The following CNTN2 variants were observed in gnomAD, a reference collection of about 807,000 sequenced individuals.
CNTN2 encodes contactin-2.
Under a neutral mutation model 117.5 loss-of-function variants are expected in CNTN2, and 53 were observed. That is an observed-to-expected ratio of 0.45 (90% CI 0.36 to 0.57). The LOEUF (loss-of-function observed/expected upper bound fraction) is 0.57, where lower values mean the gene tolerates loss of function less well. CNTN2 is among the 20% of genes least tolerant of loss of function. CNTN2 has a pLI of 0.00. For synonymous variants in CNTN2, 530 were observed against 561.7 expected, an observed-to-expected ratio of 0.94 and a Z score of 0.80; for missense variants, 1,106 against 1,404.3, an observed-to-expected ratio of 0.79 and a Z score of 3.39.
At position 205,067,218 on chromosome 1, in the gene CNTN2, G is replaced by A. The variant is rs1654339522; in HGVS notation, c.2093G>A (p.Gly698Glu). ...ATTCTGGGCACTGGGGAGCCTAGTGGGCCCTCCAGCAAAATCCGGACCAGG... is the reference window on the plus strand; with the variant it reads ...ATTCTGGGCACTGGGGAGCCTAGTGAGCCCTCCAGCAAAATCCGGACCAGG... ...SNILGTGEPS[G>E]PSSKIRTREA... The change falls in exon 16 of 23, where the codon GGG becomes GAG. Residue 698 changes from glycine to glutamate, a missense_variant. Coordinates refer to ENST00000331830, the MANE Select transcript of CNTN2 (RefSeq NM_005076.5). The A allele has an allele frequency of 6.2e-7, 1 of 1,613,912 alleles. No homozygotes were observed. The highest frequency in any genetic ancestry group is 8.5e-7 in the Non-Finnish European group (1 of 1,179,924).
In CNTN2 at chr1:205,059,745, T is replaced by A; in HGVS notation, c.797+63T>A. ...CTCGGGGGCACAGGTGACCCCAGGG[T>A]GAGGGCAGGCAGAGTCAGGGCTCTT... is the stretch of plus-strand genomic sequence containing the variant. On this transcript the variant is annotated intron_variant, in intron 7 of 22. Coordinates refer to ENST00000331830, the MANE Select transcript of CNTN2 (RefSeq NM_005076.5). This position sits in a 1 kb window ranked among gnomAD's most constrained non-coding sequence, Gnocchi z 5.6. 2 of 1,381,324 alleles carry A rather than the reference T, an allele frequency of 1.4e-6. No homozygotes were observed. The highest frequency in any genetic ancestry group is 2.1e-6 in the Non-Finnish European group (2 of 974,232). 85.6% of individuals were successfully genotyped at this position (1,381,324 alleles called of 1,614,324 possible).
chr1:205,066,298 G>A (rs527273408), intron 14 of CNTN2, 143 bp from the exon 15 acceptor site: 21 of 935,000 alleles, frequency 2.2e-5, no homozygotes, highest in South Asian at 1.2e-4. Flanking sequence ...CCCCTTGCCC[G>A]CCCTCCCGCC....
chr1:205,074,863 T>C lies in CNTN2; in HGVS notation c.*1098T>C. The stretch of plus-strand genomic sequence containing the variant: ...GGCCCTGCCTGCTCCCAGGTATACC[T>C]AGGACCACCTGGCCAGATCCGCTCC... On this transcript the variant is annotated 3_prime_UTR_variant, in exon 23 of 23. Coordinates refer to ENST00000331830, the MANE Select transcript of CNTN2 (RefSeq NM_005076.5). The C allele has an allele frequency of 5.0e-6, 2 of 398,632 alleles. No homozygotes were observed. Among genetic ancestry groups the C allele is most frequent in the Non-Finnish European group, 4.4e-6 (1 of 226,076 alleles). The allele number at this position is 398,632 out of a possible 1,614,324, so 24.7% of individuals were successfully genotyped here. A position where few individuals can be genotyped will look rare whatever the true frequency, so the allele number is the denominator to read the frequency against.
rs553906665 is a variant in CNTN2 at position 205,072,283 on chromosome 1, G to C, written c.2731+150G>C. 4.5e-6 allele frequency: 4 copies of C among 893,276 alleles called. No homozygotes were observed. In the East Asian group the frequency reaches 1.0e-4, roughly 23 times the overall value. 55.3% of individuals were successfully genotyped at this position (893,276 alleles called of 1,614,324 possible). A position where few individuals can be genotyped will look rare whatever the true frequency, so the allele number is the denominator to read the frequency against. ...AGGCAGCGAGCCTAATGGAAATAAGGGAATGGAATTCATGGCCCCTGAAGC... is the reference window on the plus strand; with the variant it reads ...AGGCAGCGAGCCTAATGGAAATAAGCGAATGGAATTCATGGCCCCTGAAGC... On this transcript the variant is annotated intron_variant, in intron 20 of 22. Coordinates refer to ENST00000331830, the MANE Select transcript of CNTN2 (RefSeq NM_005076.5).
chr1:205,067,038 C>T, intron 15 of CNTN2, 63 bp from the exon 16 acceptor site: 5 of 1,550,066 alleles, frequency 3.2e-6, no homozygotes, highest in Non-Finnish European at 4.4e-6. Context: ...CAGGCCAGTG[C>T]CTGCCCTCTG....
At position 205,072,506 on chromosome 1, in the gene CNTN2, A is replaced by G. The variant is rs1654647868; in HGVS notation, c.2755A>G (p.Ile919Val). ...AGCTCCGCGGCGACCTCCTGGCAAC[A>G]TCTCCTGGACTTTCTCAAGCTCTAG... ...KPPPRRPPGN[I>V]SWTFSSSSLS... is the part of the protein sequence containing the mutation. Residue 919 changes from isoleucine to valine, a missense_variant, in exon 21 of 23, where the codon ATC becomes GTC. By Grantham distance (29) the Ile-to-Val change is conservative (BLOSUM62 3). Coordinates refer to ENST00000331830, the MANE Select transcript of CNTN2 (RefSeq NM_005076.5). The G allele has an allele frequency of 1.2e-6, 2 of 1,614,192 alleles. No homozygotes were observed. Among genetic ancestry groups the G allele is most frequent in the East Asian group, 4.5e-5 (2 of 44,882 alleles).
chr1:205,062,573 A>C lies in CNTN2; in HGVS notation c.1240+4A>C, dbSNP rs949334449. On this transcript the variant is annotated splice_donor_region_variant and intron_variant, in intron 10 of 22. Transcript: ENST00000331830. ...AGCGCCGAGCTAGCCGTGCAAGGTA[A>C]GGGGCCCAGGGAGGCAGGGGACATC... 1.9e-6 allele frequency: 3 copies of C among 1,611,064 alleles called. No individual in the cohort carries two copies. The highest frequency in any genetic ancestry group is 2.5e-6 in the Non-Finnish European group (3 of 1,178,444).
At chr1:205,055,521 A>G (rs960409591) in intron 2 of CNTN2, among the ~76,000 whole-genome samples, 1 of 152,210 alleles carries the variant, frequency 6.6e-6, no homozygotes, top group Non-Finnish European at 1.5e-5. Flanking sequence ...ACCAGCTCTC[A>G]TATCCCAGCC....
At position 205,061,650 on chromosome 1, in the gene CNTN2, T is replaced by A; in HGVS notation, c.974-215T>A. 1.3e-6 allele frequency: 1 copy of A among 783,472 alleles called. No individual in the cohort carries two copies. Among genetic ancestry groups the A allele is most frequent in the Non-Finnish European group, 1.9e-6 (1 of 512,992 alleles). The allele number at this position is 783,472 out of a possible 1,614,324, so 48.5% of individuals were successfully genotyped here. ...GCACACAGGAGGCTCCAGAATGATT[T>A]AAGTTGCAAAAGCAGCCACTGGCAC... is the stretch of plus-strand genomic sequence containing the variant. On this transcript the variant is annotated intron_variant, in intron 8 of 22. Coordinates refer to ENST00000331830, the MANE Select transcript of CNTN2 (RefSeq NM_005076.5). The surrounding 1 kb of genome is among the most constrained non-coding windows in gnomAD (Gnocchi z 4.8).
rs1645434273 is a variant in CNTN2, at chr1:205,076,093, A to G, written c.*2328A>G. 1 of 152,222 alleles carries G rather than the reference A, an allele frequency of 6.6e-6. No individual in the cohort carries two copies. Among genetic ancestry groups the G allele is most frequent in the Non-Finnish European group, 1.5e-5 (1 of 68,052 alleles). The allele number at this position is 152,222 out of a possible 1,614,324, so 9.4% of individuals were successfully genotyped here. A position where few individuals can be genotyped will look rare whatever the true frequency, so the allele number is the denominator to read the frequency against. ...GGCCAACGATAGTTACTCACAAGTAAGTACCTTAATGCTAATGAGGTCCAC... is the reference window on the plus strand; with the variant it reads ...GGCCAACGATAGTTACTCACAAGTAGGTACCTTAATGCTAATGAGGTCCAC... On this transcript the variant is annotated 3_prime_UTR_variant, in exon 23 of 23. Transcript: ENST00000331830.
rs1279606619 is a variant in CNTN2, at chr1:205,065,980, G to A, written c.1816+71G>A. On this transcript the variant is annotated intron_variant, in intron 14 of 22. Transcript: ENST00000331830. The surrounding 1 kb of genome is among the most constrained non-coding windows in gnomAD (Gnocchi z 4.1). ...CCAGCTGGGCTGTTCTGACCTGCTC[G>A]CCTCATCTCCCCTCCCTTCCCTCAA... The A allele has an allele frequency of 1.7e-5, 25 of 1,514,708 alleles. No homozygotes were observed. In the East Asian group the frequency reaches 3.2e-4, roughly 20 times the overall value. 93.8% of individuals were successfully genotyped at this position (1,514,708 alleles called of 1,614,324 possible). A position where few individuals can be genotyped will look rare whatever the true frequency, so the allele number is the denominator to read the frequency against.
chr1:205,043,985 A>G (rs945979292), intron 1 of CNTN2, among the ~76,000 whole-genome samples: 2 of 152,054 alleles, frequency 1.3e-5, no homozygotes, highest in African/African-American at 4.8e-5. Context: ...CTCGGGGAGG[A>G]GAGTCCTGAG....
chr1:205,072,483 C>G lies in CNTN2; in HGVS notation c.2732C>G (p.Pro911Arg). The G allele has an allele frequency of 1.9e-6, 3 of 1,613,828 alleles. No homozygotes were observed. Among genetic ancestry groups the G allele is most frequent in the Non-Finnish European group, 2.5e-6 (3 of 1,179,792 alleles). ...PSANATTMKP[P>R]PRRPPGNISW... ...CTCTCCAATTCTTCCTCTCTGGCAG[C>G]TCCGCGGCGACCTCCTGGCAACATC... The change falls in exon 21 of 23, where the codon CCT (proline) becomes CGT (arginine). Residue 911 changes from proline (P) to arginine (R), a missense_variant and splice_region_variant. Transcript: ENST00000331830.
In CNTN2 at chr1:205,061,692, C is replaced by A; in HGVS notation, c.974-173C>A. 1 of 943,562 alleles carries A rather than the reference C, an allele frequency of 1.1e-6. No homozygotes were observed. The highest frequency in any genetic ancestry group is 1.6e-6 in the Non-Finnish European group (1 of 639,122). The allele number at this position is 943,562 out of a possible 1,614,324, so 58.4% of individuals were successfully genotyped here. A position where few individuals can be genotyped will look rare whatever the true frequency, so the allele number is the denominator to read the frequency against. ...CACTGGCACAGCCACAGAGTGCCAG[C>A]TTTCTTGTGCCTCCTTCTTCCGGCC... On this transcript the variant is annotated intron_variant, in intron 8 of 22. Coordinates refer to ENST00000331830, the MANE Select transcript of CNTN2 (RefSeq NM_005076.5). The surrounding 1 kb of genome is among the most constrained non-coding windows in gnomAD (Gnocchi z 4.8).
In CNTN2 at chr1:205,074,918, C is replaced by T. The variant is rs1018597224; in HGVS notation, c.*1153C>T. On this transcript the variant is annotated 3_prime_UTR_variant, in exon 23 of 23. Transcript: ENST00000331830. ...CGGCCTTGGACTGCTTGCATTTCCC[C>T]GGAGAAAAAGGGGTTAATAAATGGG... is the stretch of plus-strand genomic sequence containing the variant. 61 of 398,424 alleles carry T rather than the reference C, an allele frequency of 1.5e-4. 1 individual carries two copies. The highest frequency in any genetic ancestry group is 8.0e-5 in the Non-Finnish European group (18 of 226,102). The allele number at this position is 398,424 out of a possible 1,614,324, so 24.7% of individuals were successfully genotyped here. A position where few individuals can be genotyped will look rare whatever the true frequency, so the allele number is the denominator to read the frequency against.
chr1:205,069,760 T>C (rs1024842201), intron 17 of CNTN2, 67 bp from the exon 18 acceptor site: 1 of 1,545,200 alleles, frequency 6.5e-7, no homozygotes, highest in Admixed American at 1.7e-5. Flanking sequence ...AAAGGTTGGG[T>C]GGGGCCAGGG....
intron 2 of CNTN2, among the ~76,000 whole-genome samples, chr1:205,056,499 G>A (rs867396462): frequency 1.3e-5 from 2 of 152,342 alleles, no homozygotes; most frequent in South Asian, 2.1e-4. Context: ...TCTGAGAGCT[G>A]CTTAGCAGCT....
chr1:205,061,932 C>A lies in CNTN2; in HGVS notation c.1041C>A (p.Gly347=). Residue 347 remains glycine, a synonymous_variant, in exon 9 of 23, where the codon GGC becomes GGA. Transcript: ENST00000331830. This position sits in a 1 kb window ranked among gnomAD's most constrained non-coding sequence, Gnocchi z 4.8. ...ACATTGGCTCCAACCTGCGTTGGGG[C>A]TGTGCAGCCGCCGGCAAGCCCCGGC... The part of the protein sequence containing the change: ...EADIGSNLRW[G]CAAAGKPRPT... The A allele has an allele frequency of 1.2e-6, 2 of 1,607,996 alleles. No individual in the cohort carries two copies. Among genetic ancestry groups the A allele is most frequent in the Non-Finnish European group, 1.7e-6 (2 of 1,177,024 alleles).
Position 205,059,415 on chromosome 1 carries a change from AC to A in CNTN2, c.697+127del. 1.7e-6 allele frequency: 2 copies of A among 1,182,344 alleles called. No individual in the cohort carries two copies. Among genetic ancestry groups the A allele is most frequent in the Non-Finnish European group, 2.4e-6 (2 of 822,384 alleles). 73.2% of individuals were successfully genotyped at this position (1,182,344 alleles called of 1,614,324 possible). On this transcript the variant is annotated intron_variant, in intron 6 of 22. Transcript: ENST00000331830. This position sits in a 1 kb window ranked among gnomAD's most constrained non-coding sequence, Gnocchi z 5.6. The stretch of plus-strand genomic sequence containing the variant: ...GCAGGGCACTGATTCCAGGCCCTGG[AC>A]CCCCAGATCCTCCTGCTTCAAATCC...
Sources: allele counts gnomAD v4.1 joint callset (sites outside exome capture counted in the v4.1 genomes callset), GRCh38; gene constraint gnomAD v4.1.1; non-coding constraint Gnocchi (gnomAD v3.1); transcripts MANE v1.5; gene names NCBI Gene and HGNC (gene_info 2026-07-23, HGNC 2026-07-21).